Variants in ULK4 observed in about 807,000 individuals in gnomAD.
The protein encoded by ULK4 is inactive serine/threonine-protein kinase ULK4.
ULK4 carries 133 observed loss-of-function variants against 160.6 expected under a neutral mutation model. The observed-to-expected ratio is 0.83, with a 90% confidence interval of 0.72 to 0.96. The LOEUF is 0.96. Ranked by LOEUF, ULK4 falls within the 40% of genes least tolerant of loss-of-function variation. The pLI is 0.00. For synonymous variants in ULK4, 534 were observed against 539.8 expected, an observed-to-expected ratio of 0.99 and a Z score of 0.15; for missense variants, 1,580 against 1,499.5, an observed-to-expected ratio of 1.05 and a Z score of -0.89.
At chr3:41,922,865 A>G (rs531608257) in intron 5 of ULK4, among the ~76,000 whole-genome samples, 1 of 152,214 alleles carries the variant, frequency 6.6e-6, no homozygotes, top group Non-Finnish European at 1.5e-5. Context: ...AAGGTTCTTC[A>G]GGATCATCAA....
At chr3:41,398,381 TTTTTTAC>T in intron 34 of ULK4, 117 bp from the exon 35 acceptor site, 1 of 955,124 alleles carries the variant, frequency 1.0e-6, no homozygotes, top group Non-Finnish European at 1.5e-6. Context: ...TGCTGAATAC[TTTTTTAC>T]TTTTTTTTTT....
intron 35 of ULK4, among the ~76,000 whole-genome samples, chr3:41,376,934 A>G (rs1278980407): frequency 6.7e-6 from 1 of 150,340 alleles, no homozygotes; most frequent in African/African-American, 2.5e-5. Context: ...CTAAGCCAAA[A>G]GAACAAAGCT....
intron 18 of ULK4, among the ~76,000 whole-genome samples, chr3:41,823,177 A>AT (rs2041207654): frequency 6.6e-6 from 1 of 152,202 alleles, no homozygotes; most frequent in South Asian, 2.1e-4. Flanking sequence ...TTCTGAAGGG[A>AT]TTTTTGAGCA....
chr3:41,958,337 T>G (rs1232774276), intron 1 of ULK4, among the ~76,000 whole-genome samples: 1 of 151,952 alleles, frequency 6.6e-6, no homozygotes, highest in Non-Finnish European at 1.5e-5. Context: ...TTAAAAAGGG[T>G]TAAGATGGTA....
intron 35 of ULK4, among the ~76,000 whole-genome samples, chr3:41,320,188 A>G (rs1321038792): frequency 1.3e-5 from 2 of 152,042 alleles, no homozygotes; most frequent in Non-Finnish European, 2.9e-5. Context: ...TGTTTCCCCA[A>G]CTATAGATTT....
chr3:41,603,473 A>C (rs2032216703), intron 31 of ULK4, among the ~76,000 whole-genome samples: 1 of 152,178 alleles, frequency 6.6e-6, no homozygotes, highest in Non-Finnish European at 1.5e-5. Context: ...AGAAGAACTC[A>C]ACAGCATCAT....
At chr3:41,401,788 A>G (rs530408065) in intron 34 of ULK4, among the ~76,000 whole-genome samples, 5 of 152,312 alleles carry the variant, frequency 3.3e-5, no homozygotes, top group African/African-American at 1.2e-4. Context: ...TTTGGCATAC[A>G]GACTGTCCAT....
chr3:41,798,779 C>T (rs558704993), intron 20 of ULK4, among the ~76,000 whole-genome samples: 1 of 151,890 alleles, frequency 6.6e-6, no homozygotes, highest in Non-Finnish European at 1.5e-5. Flanking sequence ...AATTAAACAC[C>T]TAAATGCTGA....
intron 22 of ULK4, among the ~76,000 whole-genome samples, chr3:41,736,311 G>A (rs537576530): frequency 6.6e-6 from 1 of 150,910 alleles, no homozygotes; most frequent in Non-Finnish European, 1.5e-5. Context: ...CCCACCAACA[G>A]TGTAAAAGTG....
At chr3:41,364,081 G>A (rs769629531) in intron 35 of ULK4, among the ~76,000 whole-genome samples, 36 of 152,008 alleles carry the variant, frequency 2.4e-4, no homozygotes, top group African/African-American at 7.5e-4. Flanking sequence ...ACAGGCATGC[G>A]CCACCACCCT....
chr3:41,300,836 ATTATATATATATAT>A (rs1484321465), intron 35 of ULK4, among the ~76,000 whole-genome samples: 2,866 of 79,448 alleles, frequency 0.036, 151 homozygotes, highest in Non-Finnish European at 0.049. Context: ...CATTTTACAG[ATTATATATATATAT>A]ATATATATAT....
chr3:41,442,051 T>A (rs1385869972), intron 34 of ULK4, among the ~76,000 whole-genome samples: 1 of 152,190 alleles, frequency 6.6e-6, no homozygotes, highest in South Asian at 2.1e-4. Flanking sequence ...AACCTACATG[T>A]GTCTTTATAG....
chr3:41,775,645 C>T (rs1200813752), intron 21 of ULK4, among the ~76,000 whole-genome samples: 1 of 150,640 alleles, frequency 6.6e-6, no homozygotes, highest in Non-Finnish European at 1.5e-5. Context: ...GTGATCCACC[C>T]ACCTCAGCCT....
chr3:41,345,796 G>C (rs939276084), intron 35 of ULK4, among the ~76,000 whole-genome samples: 4 of 152,070 alleles, frequency 2.6e-5, no homozygotes, highest in Non-Finnish European at 5.9e-5. Context: ...TTGAAGAAAA[G>C]TAAAATAAAT....
intron 27 of ULK4, among the ~76,000 whole-genome samples, chr3:41,701,007 G>T (rs938702544): frequency 4.0e-5 from 6 of 150,276 alleles, no homozygotes; most frequent in Non-Finnish European, 7.4e-5. Context: ...AGAAGACAGG[G>T]GAAAAAAAAG....
chr3:41,718,785 T>C (rs2125847241), intron 22 of ULK4, among the ~76,000 whole-genome samples: 1 of 152,342 alleles, frequency 6.6e-6, no homozygotes, highest in South Asian at 2.1e-4. Flanking sequence ...TATACATATA[T>C]ACATAAAATG....
intron 5 of ULK4, among the ~76,000 whole-genome samples, chr3:41,926,870 G>A (rs1204001271): frequency 6.6e-6 from 1 of 152,204 alleles, no homozygotes; most frequent in Non-Finnish European, 1.5e-5. Context: ...ATCTACGTTT[G>A]ATTGATGTAC....
At chr3:41,418,352 G>C (rs2082580579) in intron 34 of ULK4, among the ~76,000 whole-genome samples, 1 of 139,036 alleles carries the variant, frequency 7.2e-6, no homozygotes, top group Non-Finnish European at 1.5e-5. Flanking sequence ...CGGGGGGGGG[G>C]GCACGTTTCT....
chr3:41,831,125 T>C (rs1287721238), intron 18 of ULK4, among the ~76,000 whole-genome samples: 1 of 152,044 alleles, frequency 6.6e-6, no homozygotes, highest in Non-Finnish European at 1.5e-5. Flanking sequence ...CCTCGTAGGC[T>C]TGAGCAATCC....
Sources: allele counts gnomAD v4.1 joint callset (sites outside exome capture counted in the v4.1 genomes callset), GRCh38; gene constraint gnomAD v4.1.1; transcripts MANE v1.5; gene names NCBI Gene and HGNC (gene_info 2026-07-23, HGNC 2026-07-21).